Variants in SRD5A2 observed in about 807,000 individuals in gnomAD.
SRD5A2 encodes the protein steroid 5 alpha-reductase 2, also known as 3-oxo-5-alpha-steroid 4-dehydrogenase 2.
SRD5A2 carries 30 observed loss-of-function variants against 27.4 expected under a neutral mutation model. The ratio of observed to expected loss-of-function variants is 1.10; its 90% CI spans 0.82 to 1.49. SRD5A2 has a LOEUF of 1.49. Among genes scored for constraint, SRD5A2 ranks in the 40% most tolerant of loss-of-function variants. The pLI, the probability that SRD5A2 is intolerant of heterozygous loss-of-function variation, is 0.00. For missense variants in SRD5A2, 348 were observed against 323.4 expected, an observed-to-expected ratio of 1.08 and a Z score of -0.58; for synonymous variants, 141 against 133.6, an observed-to-expected ratio of 1.06 and a Z score of -0.38.
the SRD5A2 span, among the ~76,000 whole-genome samples, chr2:31,593,799 C>A: frequency 5.3e-4 from 81 of 152,248 alleles, 1 homozygote; most frequent in Admixed American, 4.3e-3. Flanking sequence ...GAGGCAAAAT[C>A]ATCAAGTAGT....
the SRD5A2 span, among the ~76,000 whole-genome samples, chr2:31,610,875 A>T: frequency 2.0e-5 from 3 of 152,150 alleles, no homozygotes. Flanking sequence ...TGGGAGGCCA[A>T]GGAGGGTGGA....
the SRD5A2 span, among the ~76,000 whole-genome samples, chr2:31,594,583 A>T: frequency 1.3e-5 from 2 of 152,194 alleles, no homozygotes; most frequent in Non-Finnish European, 2.9e-5. Flanking sequence ...GAAATGAAAT[A>T]GATAGCAACA....
At chr2:31,574,912 T>A (rs1382172735) in intron 1 of SRD5A2, among the ~76,000 whole-genome samples, 3 of 152,276 alleles carry the variant, frequency 2.0e-5, no homozygotes, top group African/African-American at 7.2e-5. Flanking sequence ...ATTCATCTGT[T>A]TACATAATGT....
chr2:31,578,635 C>A (rs1040941326), intron 1 of SRD5A2, among the ~76,000 whole-genome samples: 1 of 152,162 alleles, frequency 6.6e-6, no homozygotes, highest in East Asian at 1.9e-4. Context: ...GATCCCGATG[C>A]CTCAGGAACA....
chr2:31,573,040 G>C (rs1666883475), intron 1 of SRD5A2, among the ~76,000 whole-genome samples: 1 of 152,140 alleles, frequency 6.6e-6, no homozygotes, highest in South Asian at 2.1e-4. Flanking sequence ...GCAAATTTAA[G>C]TCACAGATCA....
chr2:31,592,344 G>T, the SRD5A2 span, among the ~76,000 whole-genome samples: 7 of 152,160 alleles, frequency 4.6e-5, no homozygotes, highest in African/African-American at 1.7e-4. Flanking sequence ...CTAACCGGAA[G>T]TCCTGAGTCT....
At chr2:31,597,238 A>G in the SRD5A2 span, among the ~76,000 whole-genome samples, 1 of 152,160 alleles carries the variant, frequency 6.6e-6, no homozygotes, top group Non-Finnish European at 1.5e-5. Flanking sequence ...CACCCTACTC[A>G]ACAAATGGTG....
intron 1 of SRD5A2, among the ~76,000 whole-genome samples, chr2:31,546,176 C>CTT (rs149372195): frequency 2.0e-4 from 30 of 149,530 alleles, no homozygotes; most frequent in African/African-American, 5.9e-4. Context: ...ATTCCAATGA[C>CTT]TTTTTTTTTT....
the SRD5A2 span, among the ~76,000 whole-genome samples, chr2:31,594,796 A>C: frequency 2.6e-5 from 4 of 152,210 alleles, no homozygotes; most frequent in Non-Finnish European, 4.4e-5. Flanking sequence ...AAGATAGATC[A>C]TATGAGAGGC....
chr2:31,624,475 T>A, the SRD5A2 span, among the ~76,000 whole-genome samples: 1 of 152,108 alleles, frequency 6.6e-6, no homozygotes, highest in African/African-American at 2.4e-5. Flanking sequence ...TAACTCATTA[T>A]TTACATTAGG....
chr2:31,630,353 G>A, the SRD5A2 span, among the ~76,000 whole-genome samples: 1 of 152,114 alleles, frequency 6.6e-6, no homozygotes, highest in African/African-American at 2.4e-5. Flanking sequence ...GGGAGAGAGA[G>A]AAAAAGAGAG....
the SRD5A2 span, among the ~76,000 whole-genome samples, chr2:31,597,402 A>T: frequency 6.6e-6 from 1 of 152,110 alleles, no homozygotes; most frequent in African/African-American, 2.4e-5. Context: ...ACTCTTCTAG[A>T]CATTGCCTTA....
At position 31,573,282 on chromosome 2, in the gene SRD5A2, T is replaced by C. The variant is rs544416864; in HGVS notation, c.281+7338A>G. Among the ~76,000 whole-genome samples the C allele has an allele frequency of 2.0e-5, 3 of 152,302 alleles. No homozygotes were observed. In the East Asian group the frequency reaches 5.8e-4, roughly 29 times the overall value. ...AATGCCTGGAACACCCAGAGCGCAA[T>C]AAATATTGGTTTCCCTTCTCTCCCT... On this transcript the variant is annotated intron_variant, in intron 1 of 4. Coordinates refer to ENST00000622030, the MANE Select transcript of SRD5A2 (RefSeq NM_000348.4).
chr2:31,615,991 G>C, the SRD5A2 span, among the ~76,000 whole-genome samples: 2 of 151,826 alleles, frequency 1.3e-5, no homozygotes, highest in South Asian at 4.2e-4. Flanking sequence ...ATGTGTTGTT[G>C]AGCCTGCCAG....
At chr2:31,579,673 A>G (rs1667029530) in intron 1 of SRD5A2, among the ~76,000 whole-genome samples, 1 of 152,214 alleles carries the variant, frequency 6.6e-6, no homozygotes. Context: ...AATATCTCTC[A>G]AAAGGTTACA....
upstream of SRD5A2, among the ~76,000 whole-genome samples, chr2:31,585,500 G>A (rs1667159760): frequency 1.3e-5 from 2 of 152,068 alleles, no homozygotes. Context: ...AGAATAATGA[G>A]GTCCCTGTTC....
intron 1 of SRD5A2, among the ~76,000 whole-genome samples, chr2:31,553,302 T>C (rs571384477): frequency 6.6e-6 from 1 of 152,140 alleles, no homozygotes; most frequent in South Asian, 2.1e-4. Flanking sequence ...ACAACAAATA[T>C]ATACATTATG....
chr2:31,571,770 C>T (rs1666853764), intron 1 of SRD5A2, among the ~76,000 whole-genome samples: 1 of 152,154 alleles, frequency 6.6e-6, no homozygotes, highest in African/African-American at 2.4e-5. Context: ...TGAAAAAATG[C>T]TCGGCATCAC....
intron 1 of SRD5A2, among the ~76,000 whole-genome samples, chr2:31,574,100 G>A (rs149914586): frequency 1.4e-3 from 206 of 152,276 alleles, no homozygotes; most frequent in African/African-American, 4.5e-3. Flanking sequence ...GCGGGGGCCC[G>A]TGCTAACCAG....
Sources: gnomAD v4.1 joint callset for allele counts (sites outside exome capture counted in the v4.1 genomes callset) on GRCh38, gnomAD v4.1.1 for gene constraint, MANE v1.5 for transcripts, NCBI Gene and HGNC (gene_info 2026-07-23, HGNC 2026-07-21) for gene names.